The following FRMD3 variants were observed in gnomAD, a reference collection of about 807,000 sequenced individuals.
FRMD3 encodes the protein FERM domain-containing protein 3.
FRMD3 carries 33 observed loss-of-function variants against 70.2 expected under a neutral mutation model. The observed-to-expected ratio is 0.47, with a 90% confidence interval of 0.36 to 0.63. The LOEUF is 0.63. FRMD3 is among the 20% of genes least tolerant of loss of function. The pLI, the probability that FRMD3 is intolerant of heterozygous loss-of-function variation, is 0.00. For synonymous variants in FRMD3, 279 were observed against 255.9 expected, an observed-to-expected ratio of 1.09 and a Z score of -0.86; for missense variants, 632 against 711.4, an observed-to-expected ratio of 0.89 and a Z score of 1.27.
intron 1 of FRMD3, among the ~76,000 whole-genome samples, chr9:83,493,381 T>G (rs1828872578): frequency 6.6e-6 from 1 of 152,202 alleles, no homozygotes; most frequent in Non-Finnish European, 1.5e-5. Flanking sequence ...GAATCTCACT[T>G]GCAAATTGTC....
At chr9:83,309,646 A>C in intron 9 of FRMD3, 22 bp from the exon 10 acceptor site, 1 of 1,468,916 alleles carries the variant, frequency 6.8e-7, no homozygotes, top group Non-Finnish European at 9.3e-7. Context: ...ATAACAAAAC[A>C]AGAAAAGGCA....
At chr9:83,284,292 AC>A (rs1834102794) in intron 13 of FRMD3, among the ~76,000 whole-genome samples, 1 of 152,012 alleles carries the variant, frequency 6.6e-6, no homozygotes, top group Non-Finnish European at 1.5e-5. Context: ...GTTTCATGGG[AC>A]GTAACACAAA....
chr9:83,337,630 G>A lies in FRMD3; in HGVS notation c.473-1991C>T, dbSNP rs149931976. Among the ~76,000 whole-genome samples the A allele has an allele frequency of 5.0e-3, 766 of 152,296 alleles. 1 individual carries two copies. Among genetic ancestry groups the A allele is most frequent in the Non-Finnish European group, 8.0e-3 (543 of 68,030 alleles). On this transcript the variant is annotated intron_variant, in intron 5 of 13. Transcript: ENST00000304195. ...GAAAATTGTATTAGAAGAACCTGAT[G>A]ACCAATATGACTTTGAAGTAGAAAA... is the stretch of plus-strand genomic sequence containing the variant.
intron 5 of FRMD3, among the ~76,000 whole-genome samples, chr9:83,336,324 A>T (rs1252437200): frequency 6.6e-6 from 1 of 152,088 alleles, no homozygotes; most frequent in African/African-American, 2.4e-5. Context: ...TTATTGATTT[A>T]AAATGTTTTA....
intron 2 of FRMD3, among the ~76,000 whole-genome samples, chr9:83,379,558 C>CTTTG: frequency 6.6e-6 from 1 of 152,230 alleles, no homozygotes; most frequent in East Asian, 1.9e-4. Flanking sequence ...AAAGCTAAGA[C>CTTTG]CCCATCATTG....
chr9:83,555,436 C>G, the FRMD3 span, among the ~76,000 whole-genome samples: 1 of 152,044 alleles, frequency 6.6e-6, no homozygotes, highest in Non-Finnish European at 1.5e-5. Context: ...TGCTGGGGGA[C>G]CCCTTCAACC....
intron 2 of FRMD3, among the ~76,000 whole-genome samples, chr9:83,378,628 TTA>T (rs563349089): frequency 8.0e-6 from 1 of 125,088 alleles, no homozygotes; most frequent in Non-Finnish European, 1.6e-5. Context: ...TATACATAAT[TTA>T]TATATATAAT....
chr9:83,517,187 G>A (rs1829471421), intron 1 of FRMD3, among the ~76,000 whole-genome samples: 1 of 152,054 alleles, frequency 6.6e-6, no homozygotes. Flanking sequence ...CCAGGAGCTG[G>A]TTTTTTGGAA....
intron 1 of FRMD3, among the ~76,000 whole-genome samples, chr9:83,517,494 CAAAAAAAAAAAAAA>C (rs59178344): frequency 3.1e-5 from 2 of 65,524 alleles, no homozygotes; most frequent in Admixed American, 2.1e-4. Context: ...CCTACCAATC[CAAAAAAAAAAAAAA>C]AAAAAAAAAA....
intron 1 of FRMD3, among the ~76,000 whole-genome samples, chr9:83,428,201 A>G (rs1826867284): frequency 6.6e-6 from 1 of 152,102 alleles, no homozygotes; most frequent in African/African-American, 2.4e-5. Flanking sequence ...ACATAGTGAA[A>G]CCCCATCTGT....
Position 83,430,376 on chromosome 9 carries a change from C to T in FRMD3, c.148-40668G>A, listed in dbSNP as rs2131374734. 2.6e-5 allele frequency among the ~76,000 whole-genome samples: 4 copies of T among 152,224 alleles called. 1 individual carries two copies. The South Asian group carries it at 8.3e-4, about 32-fold the overall frequency. The stretch of plus-strand genomic sequence containing the variant: ...GAAGCTGAGTGATCTGTACCAGCCA[C>T]CATATTGAGAAATTTTTATCCCTGT... On this transcript the variant is annotated intron_variant, in intron 1 of 13. Transcript: ENST00000304195.
chr9:83,391,113 G>T (rs1437699063), intron 1 of FRMD3, among the ~76,000 whole-genome samples: 4 of 152,152 alleles, frequency 2.6e-5, no homozygotes, highest in African/African-American at 9.7e-5. Context: ...AGCACATAGT[G>T]TGATATGAAA....
Position 83,245,885 on chromosome 9 carries a change from T to A in FRMD3, c.*2033A>T, listed in dbSNP as rs1832069194. On this transcript the variant is annotated 3_prime_UTR_variant, in exon 14 of 14. Transcript: ENST00000304195. ...GCCATCTGCAAGCTTCCAAAATAAA[T>A]TGTTGAGGATTCCAATCACAGAAAA... 1 of 984,090 alleles carries A rather than the reference T, an allele frequency of 1.0e-6. No homozygotes were observed. The allele number at this position is 984,090 out of a possible 1,614,324, so 61.0% of individuals were successfully genotyped here. A position where few individuals can be genotyped will look rare whatever the true frequency, so the allele number is the denominator to read the frequency against.
chr9:83,456,379 A>G (rs954494604), intron 1 of FRMD3, among the ~76,000 whole-genome samples: 3 of 152,178 alleles, frequency 2.0e-5, no homozygotes, highest in African/African-American at 7.2e-5. Context: ...CCCTGTATAC[A>G]TTTCACAATG....
intron 13 of FRMD3, among the ~76,000 whole-genome samples, chr9:83,259,287 CAT>C (rs1288784900): frequency 6.6e-6 from 1 of 152,104 alleles, no homozygotes; most frequent in African/African-American, 2.4e-5. Flanking sequence ...GTAATTTTAA[CAT>C]ATTTTAAGTT....
intron 1 of FRMD3, among the ~76,000 whole-genome samples, chr9:83,516,191 A>G (rs772170290): frequency 2.6e-5 from 4 of 152,272 alleles, no homozygotes; most frequent in Middle Eastern, 6.8e-3. Flanking sequence ...GGATAGAGTC[A>G]CGACCCATCA....
chr9:83,448,786 G>A (rs576753820), intron 1 of FRMD3, among the ~76,000 whole-genome samples: 14 of 152,256 alleles, frequency 9.2e-5, no homozygotes, highest in Admixed American at 2.0e-4. Flanking sequence ...CAAATTTCAC[G>A]TTACCTTGGC....
intron 1 of FRMD3, among the ~76,000 whole-genome samples, chr9:83,495,372 T>G (rs2131503746): frequency 6.6e-6 from 1 of 152,214 alleles, no homozygotes; most frequent in South Asian, 2.1e-4. Flanking sequence ...CTGGTGCCCT[T>G]GGTAAGGGGA....
At chr9:83,305,615 C>T (rs896070132) in intron 10 of FRMD3, among the ~76,000 whole-genome samples, 1 of 152,192 alleles carries the variant, frequency 6.6e-6, no homozygotes, top group African/African-American at 2.4e-5. Flanking sequence ...GAGGCTAAGA[C>T]CAGACAGCAC....
Sources: gnomAD v4.1 joint callset for allele counts (sites outside exome capture counted in the v4.1 genomes callset) on GRCh38, gnomAD v4.1.1 for gene constraint, MANE v1.5 for transcripts, NCBI Gene and HGNC (gene_info 2026-07-23, HGNC 2026-07-21) for gene names.